The following MAGI1 variants were observed in gnomAD, a reference collection of about 807,000 sequenced individuals.
MAGI1 encodes the protein membrane-associated guanylate kinase, WW and PDZ domain-containing protein 1.
MAGI1 carries 58 observed loss-of-function variants against 139.9 expected under a neutral mutation model. The ratio of observed to expected loss-of-function variants is 0.41; its 90% CI spans 0.34 to 0.52. The LOEUF (loss-of-function observed/expected upper bound fraction) is 0.52. Ranked by LOEUF, MAGI1 falls within the 20% of genes least tolerant of loss-of-function variation. MAGI1 has a pLI of 0.12. For missense variants in MAGI1, 1,874 were observed against 1,901.6 expected (o/e 0.99, Z 0.27); for synonymous variants, 812 against 737.9 (o/e 1.10, Z -1.63).
intron 4 of MAGI1, among the ~76,000 whole-genome samples, chr3:65,471,207 C>T (rs1024612941): frequency 7.2e-5 from 11 of 152,096 alleles, no homozygotes; most frequent in African/African-American, 2.7e-4. Context: ...GTCTCCTTGC[C>T]TTCTTATTAA....
chr3:65,842,248 A>T (rs2058832413), intron 1 of MAGI1, among the ~76,000 whole-genome samples: 1 of 152,220 alleles, frequency 6.6e-6, no homozygotes, highest in Admixed American at 6.5e-5. Flanking sequence ...ACTAAAATTT[A>T]CAATCCAGTT....
chr3:65,940,674 G>T (rs2063270526), intron 1 of MAGI1, among the ~76,000 whole-genome samples: 1 of 152,130 alleles, frequency 6.6e-6, no homozygotes, highest in Admixed American at 6.5e-5. Context: ...CTTTTCTACT[G>T]AGATTGTTTC....
At chr3:65,632,015 A>G (rs2084343052) in intron 1 of MAGI1, among the ~76,000 whole-genome samples, 3 of 141,516 alleles carry the variant, frequency 2.1e-5, no homozygotes, top group African/African-American at 2.7e-5. Flanking sequence ...ACAGAATGAG[A>G]CTCCGTCTCA....
chr3:65,683,221 T>C (rs779025703), intron 1 of MAGI1, among the ~76,000 whole-genome samples: 1 of 151,946 alleles, frequency 6.6e-6, no homozygotes, highest in Non-Finnish European at 1.5e-5. Flanking sequence ...CATGTCATTA[T>C]AAATTTATCT....
chr3:65,791,420 C>T (rs2039763574), intron 1 of MAGI1, among the ~76,000 whole-genome samples: 1 of 152,122 alleles, frequency 6.6e-6, no homozygotes. Context: ...GATAGACATT[C>T]AAAAGCACAC....
chr3:65,968,484 T>C (rs2064865145), intron 1 of MAGI1, among the ~76,000 whole-genome samples: 1 of 151,962 alleles, frequency 6.6e-6, no homozygotes, highest in African/African-American at 2.4e-5. Flanking sequence ...GAAAAAGAGC[T>C]CTAAAATGTA....
chr3:65,871,864 C>G (rs1463677383), intron 1 of MAGI1, among the ~76,000 whole-genome samples: 1 of 152,188 alleles, frequency 6.6e-6, no homozygotes, highest in Non-Finnish European at 1.5e-5. Flanking sequence ...ATTGGAGCAG[C>G]CCAGAAAGCC....
At chr3:65,421,544 G>T (rs536747153) in intron 12 of MAGI1, among the ~76,000 whole-genome samples, 1 of 152,242 alleles carries the variant, frequency 6.6e-6, no homozygotes, top group Non-Finnish European at 1.5e-5. Flanking sequence ...CTGACAAATT[G>T]TAACTTGCTG....
intron 1 of MAGI1, among the ~76,000 whole-genome samples, chr3:65,923,226 CTT>C (rs72035925): frequency 4.3e-5 from 6 of 139,928 alleles, no homozygotes; most frequent in Admixed American, 7.2e-5. Context: ...CAACAGACAT[CTT>C]TTTTTTTTTT....
intron 2 of MAGI1, among the ~76,000 whole-genome samples, chr3:65,578,065 G>A (rs1034335377): frequency 3.9e-5 from 6 of 152,174 alleles, no homozygotes; most frequent in African/African-American, 1.2e-4. Context: ...CTTGTTGAGC[G>A]ACTGACGGGT....
chr3:65,615,812 T>C lies in MAGI1; in HGVS notation c.430+6160A>G, dbSNP rs112555997. Among the ~76,000 whole-genome samples, 301 of 152,308 alleles carry C rather than the reference T, an allele frequency of 2.0e-3. 3 individuals carry two copies. Among genetic ancestry groups the C allele is most frequent in the African/African-American group, 6.9e-3 (285 of 41,572 alleles). ...GGCACAAAACTCCTTGCCTGGACTA[T>C]TACCTTACTTCGCGAAACATAAATC... On this transcript the variant is annotated intron_variant, in intron 2 of 22. Transcript: ENST00000402939.
chr3:65,572,126 G>C (rs989450072), intron 2 of MAGI1, among the ~76,000 whole-genome samples: 1 of 152,168 alleles, frequency 6.6e-6, no homozygotes, highest in Non-Finnish European at 1.5e-5. Context: ...AAATGAGGCA[G>C]AGTAGACTAG....
intron 1 of MAGI1, among the ~76,000 whole-genome samples, chr3:65,782,644 A>C (rs2039031227): frequency 7.0e-6 from 1 of 143,508 alleles, no homozygotes; most frequent in African/African-American, 2.5e-5. Flanking sequence ...AAAAAAAGTT[A>C]GATGAAAGGT....
At chr3:65,952,527 A>C (rs1253525452) in intron 1 of MAGI1, among the ~76,000 whole-genome samples, 1 of 152,134 alleles carries the variant, frequency 6.6e-6, no homozygotes, top group African/African-American at 2.4e-5. Context: ...CAGAAAGACC[A>C]CATAAGGCCG....
intron 1 of MAGI1, among the ~76,000 whole-genome samples, chr3:65,989,575 C>T (rs529438164): frequency 6.6e-6 from 1 of 152,144 alleles, no homozygotes; most frequent in Non-Finnish European, 1.5e-5. Context: ...TCTAGCTTTG[C>T]CACCCAGGCT....
chr3:65,654,021 A>T (rs1456558531), intron 1 of MAGI1, among the ~76,000 whole-genome samples: 1 of 152,198 alleles, frequency 6.6e-6, no homozygotes, highest in Admixed American at 6.5e-5. Flanking sequence ...ATATCTCTGG[A>T]TGGTGAGATT....
At chr3:65,650,304 G>T (rs953650909) in intron 1 of MAGI1, among the ~76,000 whole-genome samples, 10 of 152,100 alleles carry the variant, frequency 6.6e-5, no homozygotes, top group Admixed American at 5.9e-4. Flanking sequence ...AATGCAAAAT[G>T]GACCAAGACA....
intron 1 of MAGI1, among the ~76,000 whole-genome samples, chr3:65,801,402 C>T (rs1057091813): frequency 6.6e-6 from 1 of 152,170 alleles, no homozygotes; most frequent in Non-Finnish European, 1.5e-5. Flanking sequence ...AAAGTTATAA[C>T]ATTCTAGAAA....
chr3:65,667,765 T>C (rs548880882), intron 1 of MAGI1, among the ~76,000 whole-genome samples: 3 of 152,240 alleles, frequency 2.0e-5, no homozygotes, highest in Non-Finnish European at 4.4e-5. Flanking sequence ...TGTTCTGCCA[T>C]GTTGCCCAGG....
Sources: gnomAD v4.1 joint callset for allele counts (sites outside exome capture counted in the v4.1 genomes callset) on GRCh38, gnomAD v4.1.1 for gene constraint, MANE v1.5 for transcripts, NCBI Gene and HGNC (gene_info 2026-07-23, HGNC 2026-07-21) for gene names.